DYNC2H1: variants seen among roughly 807,000 people sequenced by gnomAD.
DYNC2H1 encodes the protein dynein cytoplasmic 2 heavy chain 1, also known as cytoplasmic dynein 2 heavy chain 1.
A neutral mutation model predicts 570.0 loss-of-function variants in DYNC2H1; 410 were observed. That is an observed-to-expected ratio of 0.72 (90% confidence interval 0.66 to 0.78). The LOEUF (loss-of-function observed/expected upper bound fraction) is 0.78. Ranked by LOEUF, DYNC2H1 falls within the 30% of genes least tolerant of loss-of-function variation. The pLI, the probability that DYNC2H1 is intolerant of heterozygous loss-of-function variation, is 0.00. For missense variants in DYNC2H1, 4,865 were observed against 5,046.4 expected, an observed-to-expected ratio of 0.96 and a Z score of 1.09; for synonymous variants, 1,688 against 1,677.6, an observed-to-expected ratio of 1.01 and a Z score of -0.15.
At chr11:103,412,801 A>G (rs1264108867) in intron 84 of DYNC2H1, among the ~76,000 whole-genome samples, 1 of 152,212 alleles carries the variant, frequency 6.6e-6, no homozygotes, top group Non-Finnish European at 1.5e-5. Flanking sequence ...AAATATGTTC[A>G]TACATATACA....
In DYNC2H1 at chr11:103,134,411, G is replaced by A; in HGVS notation, c.2197G>A (p.Glu733Lys). The change falls in exon 15 of 89, where the codon GAA (glutamate) becomes AAA (lysine). Residue 733 changes from glutamate to lysine, a missense_variant. Coordinates refer to ENST00000375735, the MANE Select transcript of DYNC2H1 (RefSeq NM_001377.3). ...ATTGAGAACTGGCTTAGCAACTGTAGAAGCACAGGTAGAGTATGTTTTATT... is the reference window on the plus strand; with the variant it reads ...ATTGAGAACTGGCTTAGCAACTGTAAAAGCACAGGTAGAGTATGTTTTATT... ...QELRTGLATVEAQGFQASDMH... is the reference protein window; with the variant it reads ...QELRTGLATVKAQGFQASDMH... 6.2e-7 allele frequency: 1 copy of A among 1,610,050 alleles called. No homozygotes were observed. Among genetic ancestry groups the A allele is most frequent in the African/African-American group, 1.3e-5 (1 of 74,944 alleles).
intron 86 of DYNC2H1, among the ~76,000 whole-genome samples, 161 bp from the exon 87 acceptor site, chr11:103,456,114 T>C (rs964153635): frequency 6.6e-6 from 1 of 152,100 alleles, no homozygotes; most frequent in Admixed American, 6.5e-5. Flanking sequence ...CTTTGAAAAT[T>C]TAGTGTGAAC....
intron 82 of DYNC2H1, among the ~76,000 whole-genome samples, chr11:103,336,521 T>A (rs915919286): frequency 6.6e-6 from 1 of 150,924 alleles, no homozygotes. Flanking sequence ...TGAGATCAAC[T>A]TTTTTAGCTC....
chr11:103,391,327 T>C (rs746465447), intron 83 of DYNC2H1, among the ~76,000 whole-genome samples: 66 of 152,240 alleles, frequency 4.3e-4, no homozygotes, highest in Non-Finnish European at 8.8e-4. Flanking sequence ...GTAGTTCTTA[T>C]GCCCTGGTTT....
chr11:103,220,052 T>A, intron 56 of DYNC2H1, 24 bp downstream of exon 56: 3 of 1,295,128 alleles, frequency 2.3e-6, no homozygotes, highest in Non-Finnish European at 3.1e-6. Flanking sequence ...CATTCTAAGA[T>A]CCATTTACAT....
chr11:103,236,587 G>A (rs1864230805), intron 63 of DYNC2H1, 48 bp downstream of exon 63: 1 of 1,016,108 alleles, frequency 9.8e-7, no homozygotes, highest in African/African-American at 1.6e-5. Flanking sequence ...TTATTGTCAA[G>A]CTTGCTGTAG....
chr11:103,232,464 T>C (rs943855018), intron 60 of DYNC2H1, among the ~76,000 whole-genome samples: 1 of 151,984 alleles, frequency 6.6e-6, no homozygotes, highest in Non-Finnish European at 1.5e-5. Context: ...TAAGAACTTT[T>C]GGAATTAACT....
chr11:103,173,695 A>G (rs987839477), intron 35 of DYNC2H1, among the ~76,000 whole-genome samples: 1 of 152,106 alleles, frequency 6.6e-6, no homozygotes, highest in African/African-American at 2.4e-5. Context: ...CTTTGGGACA[A>G]TGTACAATTC....
rs1862219391 is a variant in DYNC2H1, at chr11:103,189,704, A to G, written c.7325A>G (p.Tyr2442Cys). Residue 2442 changes from tyrosine to cysteine, a missense_variant, in exon 45 of 89, where the codon TAT (tyrosine) becomes TGT (cysteine). Around this residue, in one of 5 missense-constraint regions of DYNC2H1, gnomAD observed 2,401 missense variants for 2,454.6 expected, o/e 0.98. Transcript: ENST00000375735. The surrounding 1 kb of genome is among the most constrained non-coding windows in gnomAD (Gnocchi z 4.3). Reference sequence around the variant, plus strand: ...GAAAGAGAGCAGTTACAAACGATTTATGGAGCATATTTGGAACCAGTTCTA... The same window carrying G: ...GAAAGAGAGCAGTTACAAACGATTTGTGGAGCATATTTGGAACCAGTTCTA... ...YPEREQLQTI[Y>C]GAYLEPVLHK... is the part of the protein sequence containing the mutation. 6.2e-6 allele frequency: 10 copies of G among 1,613,078 alleles called. No homozygotes were observed. Among genetic ancestry groups the G allele is most frequent in the Non-Finnish European group, 8.5e-6 (10 of 1,179,438 alleles).
chr11:103,176,700 A>G (rs532244744), intron 37 of DYNC2H1, among the ~76,000 whole-genome samples: 14 of 151,846 alleles, frequency 9.2e-5, no homozygotes, highest in African/African-American at 3.4e-4. Context: ...ATCCATGTAT[A>G]TATATATTTT....
chr11:103,351,377 C>G (rs933625367), intron 82 of DYNC2H1, among the ~76,000 whole-genome samples: 1 of 152,118 alleles, frequency 6.6e-6, no homozygotes, highest in African/African-American at 2.4e-5. Flanking sequence ...CAAAGCAAAT[C>G]CAGTCCAGAT....
rs1048688670 is a variant in DYNC2H1 at position 103,446,585 on chromosome 11, GT to G, written c.12457-8595del. 6.6e-6 allele frequency among the ~76,000 whole-genome samples: 1 copy of G among 152,152 alleles called. No individual in the cohort carries two copies. ...GAAGTTGAGACAGCAAATATAGACA[GT>G]TTTTTCAGGGAGTTGTGTTATGAAG... On this transcript the variant is annotated intron_variant, in intron 85 of 88. Transcript: ENST00000375735. This position sits in a 1 kb window ranked among gnomAD's most constrained non-coding sequence, Gnocchi z 4.5.
rs1338275942 is a variant in DYNC2H1 at position 103,148,530 on chromosome 11, G to A, written c.2859G>A (p.Met953Ile). 1.3e-6 allele frequency: 2 copies of A among 1,565,438 alleles called. No homozygotes were observed. Among genetic ancestry groups the A allele is most frequent in the Admixed American group, 1.9e-5 (1 of 53,138 alleles). Residue 953 changes from methionine to isoleucine, a missense_variant, in exon 20 of 89, where the codon ATG (methionine) becomes ATA (isoleucine). This residue lies in a region of DYNC2H1 where 1,936 missense variants were observed against 1,962.1 expected (regional missense o/e 0.99). Coordinates refer to ENST00000375735, the MANE Select transcript of DYNC2H1 (RefSeq NM_001377.3). ...TTGATACATTTGTTACTGAGGCTATGGAAGTCTTAACAATTATGCCCCAGT... is the reference window on the plus strand; with the variant it reads ...TTGATACATTTGTTACTGAGGCTATAGAAGTCTTAACAATTATGCCCCAGT... Reference protein sequence around the residue: ...HEIDTFVTEAMEVLTIMPQSV... With the variant: ...HEIDTFVTEAIEVLTIMPQSV...
Position 103,189,251 on chromosome 11 carries a change from T to C in DYNC2H1, c.7293-421T>C, listed in dbSNP as rs1464666496. ...AATATTCCTGCTGCCAGTTAAACCA[T>C]ATTGAAATACATTTTGGTTTGGGAG... On this transcript the variant is annotated intron_variant, in intron 44 of 88. Coordinates refer to ENST00000375735, the MANE Select transcript of DYNC2H1 (RefSeq NM_001377.3). This position sits in a 1 kb window ranked among gnomAD's most constrained non-coding sequence, Gnocchi z 4.3. Among the ~76,000 whole-genome samples the C allele has an allele frequency of 6.6e-6, 1 of 152,088 alleles. No homozygotes were observed. The highest frequency in any genetic ancestry group is 1.9e-4 in the East Asian group (1 of 5,194).
chr11:103,403,653 C>G (rs1942737694), intron 84 of DYNC2H1: 1 of 152,036 alleles, frequency 6.6e-6, no homozygotes, highest in South Asian at 2.1e-4. Flanking sequence ...TCAGGAATTG[C>G]ATCTGTTTTG....
At chr11:103,337,794 G>A (rs1398073786) in intron 82 of DYNC2H1, among the ~76,000 whole-genome samples, 1 of 152,130 alleles carries the variant, frequency 6.6e-6, no homozygotes, top group Non-Finnish European at 1.5e-5. Flanking sequence ...TCTCTTGTCA[G>A]TTGAATAGTG....
At chr11:103,200,837 A>T (rs1862691419) in intron 50 of DYNC2H1, among the ~76,000 whole-genome samples, 1 of 152,032 alleles carries the variant, frequency 6.6e-6, no homozygotes, top group Non-Finnish European at 1.5e-5. Flanking sequence ...TTGTTTATTT[A>T]TTTATTTTGA....
intron 84 of DYNC2H1, chr11:103,406,427 A>C (rs1942866896): frequency 6.6e-6 from 1 of 151,962 alleles, no homozygotes; most frequent in African/African-American, 2.4e-5. Flanking sequence ...TTGGGGTAAT[A>C]AGACTTGTTT....
chr11:103,346,953 C>T (rs563646247), intron 82 of DYNC2H1, among the ~76,000 whole-genome samples: 24 of 152,276 alleles, frequency 1.6e-4, no homozygotes, highest in African/African-American at 5.8e-4. Flanking sequence ...AAGCTGTCAC[C>T]ACCTGTACCC....
Sources: allele counts gnomAD v4.1 joint callset (sites outside exome capture counted in the v4.1 genomes callset), GRCh38; gene constraint gnomAD v4.1.1; regional missense constraint gnomAD v4.1.1; non-coding constraint Gnocchi (gnomAD v3.1); transcripts MANE v1.5; gene names NCBI Gene and HGNC (gene_info 2026-07-23, HGNC 2026-07-21).